Variants in RPL11 observed in about 807,000 individuals in gnomAD.
The protein encoded by RPL11 is large ribosomal subunit protein uL5.
Under a neutral mutation model 24.1 loss-of-function variants are expected in RPL11, and 3 were observed. The ratio of observed to expected loss-of-function variants is 0.12; its 90% CI spans 0.06 to 0.32. RPL11 has a LOEUF of 0.32. Among genes scored for constraint, RPL11 ranks in the 10% least tolerant of loss-of-function variants. The pLI is 1.00. For synonymous variants in RPL11, 96 were observed against 75.7 expected (o/e 1.27, Z -1.39); for missense variants, 146 against 225.7 (o/e 0.65, Z 2.26).
Position 23,692,692 on chromosome 1 carries a change from A to T in RPL11, c.90A>T (p.Gly30=). 1 of 1,614,100 alleles carries T rather than the reference A, an allele frequency of 6.2e-7. No homozygotes were observed. The highest frequency in any genetic ancestry group is 1.1e-5 in the South Asian group (1 of 91,080). Residue 30 remains glycine (G), a synonymous_variant, in exon 2 of 6, where the codon GGA becomes GGT. Coordinates refer to ENST00000643754, the MANE Select transcript of RPL11 (RefSeq NM_000975.5). ...TCAACATCTGTGTTGGGGAGAGTGG[A>T]GACAGACTGACGCGAGCAGCCAAGG... ...LCLNICVGES[G]DRLTRAAKVL... is the part of the protein sequence containing the mutation.
chr1:23,696,440 C>G lies in RPL11; in HGVS notation c.*67C>G, dbSNP rs1644533282. 1 of 1,507,682 alleles carries G rather than the reference C, an allele frequency of 6.6e-7. No homozygotes were observed. Among genetic ancestry groups the G allele is most frequent in the Admixed American group, 1.7e-5 (1 of 59,374 alleles). 93.4% of individuals were successfully genotyped at this position (1,507,682 alleles called of 1,614,324 possible). ...GAAATGTGCAATTCTGTTGTGTGTT[C>G]TGTGAAAGGATCCTGGCCATATTCA... On this transcript the variant is annotated 3_prime_UTR_variant, in exon 6 of 6. Transcript: ENST00000643754.
chr1:23,692,869 G>T (rs1202926674), intron 2 of RPL11, 110 bp downstream of exon 2: 4 of 1,365,146 alleles, frequency 2.9e-6, no homozygotes, highest in Admixed American at 3.8e-5. Context: ...ATCACTTAAA[G>T]CATTAAATTC....
At chr1:23,691,894 CGGG>C (rs1321087931) in intron 1 of RPL11, 65 bp downstream of exon 1, 1 of 1,609,104 alleles carries the variant, frequency 6.2e-7, no homozygotes, top group African/African-American at 1.3e-5. Flanking sequence ...GCCGAGCCTG[CGGG>C]GGCTACTTCG....
intron 5 of RPL11, 42 bp from the exon 6 acceptor site, chr1:23,696,302 G>A (rs182624850): frequency 2.4e-4 from 383 of 1,599,278 alleles, no homozygotes; most frequent in Non-Finnish European, 5.2e-5. Flanking sequence ...AATCTCTGCT[G>A]TTGCCTCCTG....
Position 23,696,652 on chromosome 1 carries a change from T to G in RPL11, c.*279T>G. ...GTAGCCCCATTTGGAGGGGAGGGTT[T>G]GGTTGATGTTGGGGTTTGAATTTAG... is the stretch of plus-strand genomic sequence containing the variant. On this transcript the variant is annotated 3_prime_UTR_variant, in exon 6 of 6. Transcript: ENST00000643754. 1.9e-6 allele frequency: 1 copy of G among 528,350 alleles called. No homozygotes were observed. Among genetic ancestry groups the G allele is most frequent in the East Asian group, 3.4e-5 (1 of 29,706 alleles). 32.7% of individuals were successfully genotyped at this position (528,350 alleles called of 1,614,324 possible).
chr1:23,692,214 A>G (rs983071313), intron 1 of RPL11: 3 of 437,190 alleles, frequency 6.9e-6, no homozygotes, highest in Admixed American at 3.7e-5. Context: ...GCCTTTAGAC[A>G]GCTTCCGAAT....
chr1:23,694,926 G>C (rs1327015128), intron 4 of RPL11, 135 bp downstream of exon 4: 27 of 1,382,930 alleles, frequency 2.0e-5, no homozygotes, highest in Non-Finnish European at 2.6e-5. Context: ...CCTCCCCCTT[G>C]GGGAAATGTG....
At chr1:23,693,277 T>C (rs1252019324) in intron 2 of RPL11, among the ~76,000 whole-genome samples, 2 of 152,192 alleles carry the variant, frequency 1.3e-5, no homozygotes, top group African/African-American at 4.8e-5. Flanking sequence ...ATAAAGAGGG[T>C]AATACTTTAT....
chr1:23,692,213 C>T (rs141033076), intron 1 of RPL11: 56 of 438,326 alleles, frequency 1.3e-4, no homozygotes, highest in Non-Finnish European at 2.0e-4. Flanking sequence ...AGCCTTTAGA[C>T]AGCTTCCGAA....
chr1:23,695,124 T>C, intron 4 of RPL11: 1 of 389,298 alleles, frequency 2.6e-6, no homozygotes, highest in Non-Finnish European at 4.9e-6. Flanking sequence ...ATTTGGCCTA[T>C]GGGTTGGTTG....
chr1:23,694,102 C>T (rs556179822), intron 3 of RPL11, among the ~76,000 whole-genome samples, 189 bp downstream of exon 3: 33 of 152,134 alleles, frequency 2.2e-4, no homozygotes, highest in Admixed American at 5.9e-4. Flanking sequence ...AGGCTGGGCA[C>T]GGTGGCTCAA....
At position 23,692,772 on chromosome 1, in the gene RPL11, A is replaced by C; in HGVS notation, c.157+13A>C. ...GTGTTTTCCAAAGGTGAGTAGTCAC[A>C]AGGACATACAGGGTTTGCCTGCTTG... On this transcript the variant is annotated intron_variant, in intron 2 of 5. Transcript: ENST00000643754. The C allele has an allele frequency of 6.2e-7, 1 of 1,612,844 alleles. No homozygotes were observed. Among genetic ancestry groups the C allele is most frequent in the Non-Finnish European group, 8.5e-7 (1 of 1,179,812 alleles).
intron 1 of RPL11, chr1:23,692,115 G>A: frequency 3.5e-6 from 2 of 566,170 alleles, no homozygotes; most frequent in Non-Finnish European, 6.3e-6. Context: ...TGAGGCAGGG[G>A]GGTCCGGGCC....
chr1:23,692,541 G>C, intron 1 of RPL11, 68 bp from the exon 2 acceptor site: 2 of 1,593,032 alleles, frequency 1.3e-6, no homozygotes, highest in Non-Finnish European at 1.7e-6. Flanking sequence ...ATGCTGTGCA[G>C]ATAGAAAGTA....
intron 4 of RPL11, chr1:23,695,485 A>T (rs1422174182): frequency 2.5e-6 from 1 of 394,532 alleles, no homozygotes; most frequent in Non-Finnish European, 4.8e-6. Flanking sequence ...GTGTGGCAAT[A>T]GATTTTTAAA....
At position 23,695,874 on chromosome 1, in the gene RPL11, G is replaced by A; in HGVS notation, c.473G>A (p.Ser158Asn). Residue 158 changes from serine to asparagine, a missense_variant, in exon 5 of 6, where the codon AGC becomes AAC. Physicochemically the swap from Ser to Asn is conservative, Grantham distance 46 (BLOSUM62 1). Coordinates refer to ENST00000643754, the MANE Select transcript of RPL11 (RefSeq NM_000975.5). ...TGCATTGGGGCCAAACACAGAATCAGCAAAGAGGAGGCCATGCGCTGGTTC... is the reference window on the plus strand; with the variant it reads ...TGCATTGGGGCCAAACACAGAATCAACAAAGAGGAGGCCATGCGCTGGTTC... ...TGCIGAKHRISKEEAMRWFQQ... is the reference protein window; with the variant it reads ...TGCIGAKHRINKEEAMRWFQQ... 1 of 1,596,260 alleles carries A rather than the reference G, an allele frequency of 6.3e-7. No homozygotes were observed. The highest frequency in any genetic ancestry group is 8.5e-7 in the Non-Finnish European group (1 of 1,171,290).
rs758722817 is a variant in RPL11, at chr1:23,691,838, C to G, written c.6+9C>G. 4 of 1,614,256 alleles carry G rather than the reference C, an allele frequency of 2.5e-6. No individual in the cohort carries two copies. Among genetic ancestry groups the G allele is most frequent in the African/African-American group, 1.3e-5 (1 of 75,080 alleles). On this transcript the variant is annotated intron_variant, in intron 1 of 5. Coordinates refer to ENST00000643754, the MANE Select transcript of RPL11 (RefSeq NM_000975.5). Reference sequence around the variant, plus strand: ...TGCTCTCCATCATGGCGGTGAGTAGCTGGGACCTGGATTTGCTTTCCTTTA... The same window carrying G: ...TGCTCTCCATCATGGCGGTGAGTAGGTGGGACCTGGATTTGCTTTCCTTTA...
intron 1 of RPL11, chr1:23,692,239 C>T (rs1007601242): frequency 2.4e-6 from 1 of 421,740 alleles, no homozygotes; most frequent in Non-Finnish European, 4.4e-6. Flanking sequence ...TGCTGGACGT[C>T]GCATAACCAC....
At chr1:23,691,891 C>T (rs1644501847) in intron 1 of RPL11, 62 bp downstream of exon 1, 3 of 1,611,358 alleles carry the variant, frequency 1.9e-6, no homozygotes, top group East Asian at 2.2e-5. Flanking sequence ...CAGGCCGAGC[C>T]TGCGGGGGCT....
Sources: allele counts gnomAD v4.1 joint callset (sites outside exome capture counted in the v4.1 genomes callset), GRCh38; gene constraint gnomAD v4.1.1; transcripts MANE v1.5; gene names NCBI Gene and HGNC (gene_info 2026-07-23, HGNC 2026-07-21).